SUMF1: variants seen among roughly 807,000 people sequenced by gnomAD.
SUMF1 encodes the protein sulfatase modifying factor 1.
A neutral mutation model predicts 47.6 loss-of-function variants in SUMF1; 48 were observed. The observed-to-expected ratio is 1.01, with a 90% CI of 0.80 to 1.28. The LOEUF (loss-of-function observed/expected upper bound fraction) is 1.28. Ranked by LOEUF, SUMF1 falls within the 50% of genes most tolerant of loss-of-function variation. The pLI is 0.00. For missense variants in SUMF1, 571 were observed against 485.4 expected (o/e 1.18, Z -1.66); for synonymous variants, 230 against 192.1 (o/e 1.20, Z -1.63).
intron 9 of SUMF1, among the ~76,000 whole-genome samples, chr3:4,063,723 C>T (rs1471067703): frequency 4.6e-5 from 7 of 152,062 alleles, no homozygotes; most frequent in African/African-American, 1.7e-4. Context: ...TTGGAAGACA[C>T]CAGGCACTAT....
At chr3:4,040,086 C>T (rs1236205906) in intron 9 of SUMF1, among the ~76,000 whole-genome samples, 1 of 151,978 alleles carries the variant, frequency 6.6e-6, no homozygotes, top group Admixed American at 6.6e-5. Flanking sequence ...TTACCACACA[C>T]ACAAAAGAGA....
chr3:4,073,316 A>C (rs930886896), intron 8 of SUMF1, among the ~76,000 whole-genome samples: 1 of 152,190 alleles, frequency 6.6e-6, no homozygotes, highest in Non-Finnish European at 1.5e-5. Context: ...GGCCTGCCTT[A>C]CAAGAGCTCC....
intron 8 of SUMF1, among the ~76,000 whole-genome samples, chr3:4,291,778 T>C (rs1482919338): frequency 6.6e-6 from 1 of 152,178 alleles, no homozygotes; most frequent in Non-Finnish European, 1.5e-5. Context: ...AATGTCCTTA[T>C]CTTTTAGGGT....
At chr3:4,099,634 T>A (rs1420171551) in intron 8 of SUMF1, among the ~76,000 whole-genome samples, 1 of 152,042 alleles carries the variant, frequency 6.6e-6, no homozygotes, top group South Asian at 2.1e-4. Flanking sequence ...GAGAAAGAAA[T>A]ACAATGTATC....
Position 4,166,553 on chromosome 3 carries a change from T to A in SUMF1, c.1015-97808A>T, listed in dbSNP as rs1306034535. ...GTCCCAAAATTTATACTAGAAATCA[T>A]TCTTATAGGAGAAACTAGAAGAGCA... On this transcript the variant is annotated intron_variant and NMD_transcript_variant, in intron 8 of 12. Coordinates refer to the SUMF1 transcript ENST00000448413. Among the ~76,000 whole-genome samples, 6 of 152,248 alleles carry A rather than the reference T, an allele frequency of 3.9e-5. No individual in the cohort carries two copies. In the East Asian group the frequency reaches 9.7e-4, roughly 25 times the overall value.
intron 4 of SUMF1, 77 bp from the exon 5 acceptor site, chr3:4,418,209 C>A: frequency 6.3e-7 from 1 of 1,596,368 alleles, no homozygotes; most frequent in Non-Finnish European, 8.5e-7. Context: ...GCAAAGCGCC[C>A]ATAATCCCCC....
chr3:4,216,706 T>C (rs570487371), intron 8 of SUMF1, among the ~76,000 whole-genome samples: 3 of 152,190 alleles, frequency 2.0e-5, no homozygotes, highest in African/African-American at 4.8e-5. Flanking sequence ...GGGCAAAGGA[T>C]ATGAACAAGC....
At chr3:4,134,890 T>A (rs149625855) in intron 8 of SUMF1, among the ~76,000 whole-genome samples, 4 of 152,276 alleles carry the variant, frequency 2.6e-5, no homozygotes, top group Non-Finnish European at 4.4e-5. Context: ...GATAAATTCT[T>A]CAACACATAC....
chr3:4,325,480 GA>G (rs1698923188), intron 8 of SUMF1, among the ~76,000 whole-genome samples: 1 of 152,152 alleles, frequency 6.6e-6, no homozygotes, highest in African/African-American at 2.4e-5. Flanking sequence ...CTGTACTACT[GA>G]GAAGTCCATA....
intron 9 of SUMF1, among the ~76,000 whole-genome samples, chr3:4,062,633 T>C (rs1241232377): frequency 1.3e-5 from 2 of 152,118 alleles, no homozygotes; most frequent in East Asian, 3.9e-4. Flanking sequence ...ATGTGGTGGA[T>C]TTTTCCTTGG....
chr3:4,065,254 G>A (rs1695350068), intron 9 of SUMF1, among the ~76,000 whole-genome samples: 1 of 152,048 alleles, frequency 6.6e-6, no homozygotes, highest in South Asian at 2.1e-4. Context: ...AGACAGAGAA[G>A]CAATTACCTC....
intron 8 of SUMF1, among the ~76,000 whole-genome samples, chr3:4,121,447 A>T (rs553165291): frequency 6.6e-6 from 1 of 152,282 alleles, no homozygotes; most frequent in Non-Finnish European, 1.5e-5. Context: ...CAAGGCTACC[A>T]ATCCTTTAAA....
intron 8 of SUMF1, among the ~76,000 whole-genome samples, chr3:4,144,649 A>G (rs2125099687): frequency 6.6e-6 from 1 of 152,260 alleles, no homozygotes; most frequent in African/African-American, 2.4e-5. Context: ...ATCCACTCCA[A>G]AACACAAATA....
At chr3:4,120,644 T>C (rs1048825528) in intron 8 of SUMF1, among the ~76,000 whole-genome samples, 3 of 152,034 alleles carry the variant, frequency 2.0e-5, no homozygotes, top group Non-Finnish European at 4.4e-5. Context: ...AGATATCAGA[T>C]AGAGATTGTC....
chr3:4,094,615 G>T (rs1285522681), intron 8 of SUMF1, among the ~76,000 whole-genome samples: 1 of 152,026 alleles, frequency 6.6e-6, no homozygotes, highest in Non-Finnish European at 1.5e-5. Context: ...AAGCATAATT[G>T]TTAACAGCAC....
At chr3:4,121,368 G>T (rs571202118) in intron 8 of SUMF1, among the ~76,000 whole-genome samples, 12 of 152,104 alleles carry the variant, frequency 7.9e-5, no homozygotes, top group African/African-American at 2.9e-4. Flanking sequence ...TAGGTTCCAC[G>T]CATTATTCTT....
intron 8 of SUMF1, among the ~76,000 whole-genome samples, chr3:4,174,872 G>A (rs938930176): frequency 6.6e-6 from 1 of 152,184 alleles, no homozygotes; most frequent in Admixed American, 6.5e-5. Context: ...CAGCAGACAA[G>A]GTGATTCTCT....
intron 8 of SUMF1, among the ~76,000 whole-genome samples, chr3:4,188,071 C>T (rs1028434537): frequency 6.6e-6 from 1 of 152,126 alleles, no homozygotes; most frequent in Non-Finnish European, 1.5e-5. Context: ...ATGCTCTTAG[C>T]TTCCCGCATT....
chr3:4,104,866 C>A (rs1357193911), intron 8 of SUMF1, among the ~76,000 whole-genome samples: 1 of 152,034 alleles, frequency 6.6e-6, no homozygotes, highest in Admixed American at 6.6e-5. Context: ...TGCAGCAATA[C>A]CACTTCTGGT....
Sources: allele counts gnomAD v4.1 joint callset (sites outside exome capture counted in the v4.1 genomes callset), GRCh38; gene constraint gnomAD v4.1.1; transcripts MANE v1.5; gene names NCBI Gene and HGNC (gene_info 2026-07-23, HGNC 2026-07-21).